Variants in PIK3CA observed in about 807,000 individuals in gnomAD.
PIK3CA encodes the protein phosphatidylinositol-4,5-bisphosphate 3-kinase catalytic subunit alpha.
A neutral mutation model predicts 138.2 loss-of-function variants in PIK3CA; 27 were observed. The observed-to-expected ratio is 0.20, with a 90% CI of 0.14 to 0.27. The LOEUF (loss-of-function observed/expected upper bound fraction) is 0.27. Among genes scored for constraint, PIK3CA ranks in the 10% least tolerant of loss-of-function variants. PIK3CA has a pLI of 1.00. For missense variants in PIK3CA, 544 were observed against 1,277.4 expected, an observed-to-expected ratio of 0.43 and a Z score of 8.75; for synonymous variants, 358 against 413.2, an observed-to-expected ratio of 0.87 and a Z score of 1.62.
rs1725192147 is a variant in PIK3CA, at chr3:179,230,786, T to C, written c.2936+410T>C. ...ATAAAATGAAATAATAGAAGTTCTT[T>C]TACCACTTCAGCAAAAACTATTTTT... On this transcript the variant is annotated intron_variant, in intron 20 of 20. Coordinates refer to ENST00000263967, the MANE Select transcript of PIK3CA (RefSeq NM_006218.4). This position sits in a 1 kb window ranked among gnomAD's most constrained non-coding sequence, Gnocchi z 5.4. 6.6e-6 allele frequency among the ~76,000 whole-genome samples: 1 copy of C among 152,104 alleles called. No homozygotes were observed. Among genetic ancestry groups the C allele is most frequent in the African/African-American group, 2.4e-5 (1 of 41,432 alleles).
intron 1 of PIK3CA, among the ~76,000 whole-genome samples, chr3:179,190,699 T>G (rs1724111758): frequency 6.6e-6 from 1 of 152,146 alleles, no homozygotes; most frequent in South Asian, 2.1e-4. Context: ...CTGTCTCCTC[T>G]GGAGGCTCAG....
intron 14 of PIK3CA, among the ~76,000 whole-genome samples, chr3:179,223,360 C>T (rs1010732262): frequency 1.6e-4 from 25 of 152,122 alleles, no homozygotes; most frequent in Admixed American, 1.4e-3. Flanking sequence ...CCAGCTATTG[C>T]GTGATAACTC....
intron 1 of PIK3CA, among the ~76,000 whole-genome samples, chr3:179,156,270 A>G (rs1723137957): frequency 6.6e-6 from 1 of 152,160 alleles, no homozygotes; most frequent in South Asian, 2.1e-4. Flanking sequence ...ATAAATTGCT[A>G]CAGGTGTGGT....
chr3:179,228,562 G>T (rs1412679213), intron 17 of PIK3CA, among the ~76,000 whole-genome samples: 1 of 151,874 alleles, frequency 6.6e-6, no homozygotes, highest in Non-Finnish European at 1.5e-5. Context: ...TCTTTGTGAG[G>T]CCAGATTTTC....
chr3:179,197,646 T>C (rs1434341694), intron 1 of PIK3CA, among the ~76,000 whole-genome samples: 1 of 152,234 alleles, frequency 6.6e-6, no homozygotes, highest in Non-Finnish European at 1.5e-5. Context: ...TTATAGCTCT[T>C]ACCTACAATA....
At chr3:179,203,438 T>G in intron 4 of PIK3CA, 106 bp from the exon 5 acceptor site, 1 of 1,086,466 alleles carries the variant, frequency 9.2e-7, no homozygotes. Flanking sequence ...TAATGTTTAA[T>G]TTTTTATCAC....
At chr3:179,231,762 C>T (rs1030169548) in intron 20 of PIK3CA, among the ~76,000 whole-genome samples, 3 of 150,490 alleles carry the variant, frequency 2.0e-5, no homozygotes, top group African/African-American at 7.4e-5. Context: ...CCTGCCTCAG[C>T]CTCCCAAGTA....
intron 1 of PIK3CA, among the ~76,000 whole-genome samples, chr3:179,162,556 G>T (rs1723312095): frequency 6.6e-6 from 1 of 151,968 alleles, no homozygotes; most frequent in Non-Finnish European, 1.5e-5. Flanking sequence ...AAAACCAAGA[G>T]TCAACTGAGA....
Position 179,195,012 on chromosome 3 carries a change from CAA to C in PIK3CA, c.-76-3721_-76-3720del, listed in dbSNP as rs11316257. Among the ~76,000 whole-genome samples, 308 of 96,058 alleles carry C rather than the reference CAA, an allele frequency of 3.2e-3. 3 individuals are homozygous for C. Among genetic ancestry groups the C allele is most frequent in the African/African-American group, 9.4e-3 (272 of 28,860 alleles). 63.0% of individuals were successfully genotyped at this position (96,058 alleles called of 152,430 possible). On this transcript the variant is annotated intron_variant, in intron 1 of 20. Coordinates refer to ENST00000263967, the MANE Select transcript of PIK3CA (RefSeq NM_006218.4). ...AGCCTGACATTAAGCAGGTACTTCT[CAA>C]AAAAAAAAAAAAAAAACACAGGGTA...
chr3:179,150,855 T>C (rs1162044752), intron 1 of PIK3CA, among the ~76,000 whole-genome samples: 1 of 152,262 alleles, frequency 6.6e-6, no homozygotes, highest in Non-Finnish European at 1.5e-5. Flanking sequence ...TACCCTTTAC[T>C]GAATAAAGAG....
At position 179,224,165 on chromosome 3, in the gene PIK3CA, G is replaced by A. The variant is rs2108416929; in HGVS notation, c.2272G>A (p.Ala758Thr). ...LQGFLSPLNP[A>T]HQLGNLRLEE... ...GGGCTTTCTGTCTCCTCTAAACCCT[G>A]CTCATCAACTAGGAAACCTCAGGTA... Residue 758 changes from alanine (A) to threonine (T), a missense_variant, in exon 15 of 21, where the codon GCT (alanine) becomes ACT (threonine). This residue lies in a region of PIK3CA where 35 missense variants were observed against 49.4 expected (regional missense o/e 0.71). Transcript: ENST00000263967. 1 of 1,570,614 alleles carries A rather than the reference G, an allele frequency of 6.4e-7. No homozygotes were observed. Among genetic ancestry groups the A allele is most frequent in the Non-Finnish European group, 8.7e-7 (1 of 1,149,036 alleles).
At chr3:179,199,971 A>T in intron 3 of PIK3CA, 72 bp downstream of exon 3, 1 of 921,756 alleles carries the variant, frequency 1.1e-6, no homozygotes, top group Non-Finnish European at 1.7e-6. Context: ...ATCTTTGTAT[A>T]GTCTTTTTTT....
intron 20 of PIK3CA, among the ~76,000 whole-genome samples, chr3:179,232,333 A>G (rs1725232400): frequency 6.6e-6 from 1 of 152,138 alleles, no homozygotes; most frequent in Admixed American, 6.6e-5. Flanking sequence ...ACATGTGGCT[A>G]GCTAGTTTTC....
At chr3:179,229,478 A>G (rs72561480) in intron 18 of PIK3CA, 36 bp downstream of exon 18, 1 of 1,547,354 alleles carries the variant, frequency 6.5e-7, no homozygotes, top group Non-Finnish European at 8.8e-7. Context: ...ATGTTAATCT[A>G]AGTTTTTGTT....
At chr3:179,196,360 G>A (rs946532050) in intron 1 of PIK3CA, among the ~76,000 whole-genome samples, 2 of 152,184 alleles carry the variant, frequency 1.3e-5, no homozygotes, top group East Asian at 1.9e-4. Context: ...GTCATTTGGC[G>A]TTTTCCCTTG....
chr3:179,211,559 C>T (rs544639847), intron 9 of PIK3CA, among the ~76,000 whole-genome samples: 5 of 152,180 alleles, frequency 3.3e-5, no homozygotes, highest in East Asian at 3.9e-4. Context: ...CCCAGCTACT[C>T]GGGAGGCTAA....
At chr3:179,186,967 C>G (rs1723997355) in intron 1 of PIK3CA, among the ~76,000 whole-genome samples, 1 of 152,090 alleles carries the variant, frequency 6.6e-6, no homozygotes, top group African/African-American at 2.4e-5. Flanking sequence ...AGCTGGCAAA[C>G]TTAAATACCT....
Position 179,185,432 on chromosome 3 carries a change from A to T in PIK3CA, c.-76-13318A>T, listed in dbSNP as rs144217677. On this transcript the variant is annotated intron_variant, in intron 1 of 20. Transcript: ENST00000263967. ...CTGTAACTGCTGGTCGCCAAGAAGT[A>T]TATGGGGATTTCTCCCCACCAACAA... is the stretch of plus-strand genomic sequence containing the variant. Among the ~76,000 whole-genome samples the T allele has an allele frequency of 4.9e-4, 74 of 152,374 alleles. 2 individuals carry two copies. Among genetic ancestry groups the T allele is most frequent in the Middle Eastern group, 3.4e-3 (1 of 294 alleles).
chr3:179,201,751 G>A (rs529158523), intron 4 of PIK3CA, among the ~76,000 whole-genome samples: 7 of 151,392 alleles, frequency 4.6e-5, no homozygotes, highest in Admixed American at 1.3e-4. Flanking sequence ...GACTACAGGC[G>A]CCCGCCACCA....
Sources: allele counts gnomAD v4.1 joint callset (sites outside exome capture counted in the v4.1 genomes callset), GRCh38; gene constraint gnomAD v4.1.1; regional missense constraint gnomAD v4.1.1; non-coding constraint Gnocchi (gnomAD v3.1); transcripts MANE v1.5; gene names NCBI Gene and HGNC (gene_info 2026-07-23, HGNC 2026-07-21).